Variants in NAV2 observed in about 807,000 individuals in gnomAD.
NAV2 encodes the protein neuron navigator 2, also known as helicase, APC down-regulated 1.
A neutral mutation model predicts 223.2 loss-of-function variants in NAV2; 54 were observed. The ratio of observed to expected loss-of-function variants is 0.24; its 90% CI spans 0.19 to 0.30. The LOEUF (loss-of-function observed/expected upper bound fraction) is 0.30. Among genes scored for constraint, NAV2 ranks in the 10% least tolerant of loss-of-function variants. The pLI is 1.00. For synonymous variants in NAV2, 1,279 were observed against 1,239.3 expected, an observed-to-expected ratio of 1.03 and a Z score of -0.67; for missense variants, 2,806 against 3,147.5, an observed-to-expected ratio of 0.89 and a Z score of 2.60.
chr11:20,082,356 C>T (rs188958347), intron 25 of NAV2, among the ~76,000 whole-genome samples: 1 of 152,304 alleles, frequency 6.6e-6, no homozygotes, highest in East Asian at 1.9e-4. Flanking sequence ...GCTGGAAGAA[C>T]TGGAATTGTA....
chr11:19,965,405 C>T (rs949610967), intron 10 of NAV2, among the ~76,000 whole-genome samples: 6 of 152,036 alleles, frequency 3.9e-5, no homozygotes, highest in African/African-American at 1.4e-4. Flanking sequence ...TTTTCCCACA[C>T]CCAGAACCCA....
intron 1 of NAV2, among the ~76,000 whole-genome samples, chr11:19,558,364 C>G (rs2044975959): frequency 6.6e-6 from 1 of 152,202 alleles, no homozygotes; most frequent in African/African-American, 2.4e-5. Context: ...CATGGCACCT[C>G]AGCTAAAGGC....
At chr11:19,945,093 C>A (rs955205819) in intron 8 of NAV2, among the ~76,000 whole-genome samples, 1 of 124,390 alleles carries the variant, frequency 8.0e-6, no homozygotes, top group African/African-American at 2.8e-5. Context: ...CTCTTTTCTT[C>A]TCTTCTCTTC....
chr11:19,812,273 T>C (rs1056892335), intron 1 of NAV2, among the ~76,000 whole-genome samples: 1 of 152,162 alleles, frequency 6.6e-6, no homozygotes, highest in Admixed American at 6.5e-5. Flanking sequence ...TTTGCATGGT[T>C]GCTCTCTTCT....
intron 1 of NAV2, among the ~76,000 whole-genome samples, chr11:19,527,033 C>A (rs1459875903): frequency 6.6e-6 from 1 of 152,052 alleles, no homozygotes; most frequent in African/African-American, 2.4e-5. Context: ...CTTTCTCCAA[C>A]CCTCCCACCC....
At chr11:19,813,905 A>G (rs1371159682) in intron 1 of NAV2, among the ~76,000 whole-genome samples, 1 of 152,104 alleles carries the variant, frequency 6.6e-6, no homozygotes, top group African/African-American at 2.4e-5. Context: ...GAGACAATGA[A>G]GTTTATTTGA....
At chr11:19,481,944 C>G (rs1393281839) in intron 1 of NAV2, among the ~76,000 whole-genome samples, 1 of 152,214 alleles carries the variant, frequency 6.6e-6, no homozygotes, top group Non-Finnish European at 1.5e-5. Flanking sequence ...GACTTTCATA[C>G]TGTCATCCAC....
intron 1 of NAV2, among the ~76,000 whole-genome samples, chr11:19,718,861 A>G (rs910479244): frequency 6.6e-6 from 1 of 152,174 alleles, no homozygotes; most frequent in Non-Finnish European, 1.5e-5. Flanking sequence ...CACACAGATA[A>G]CACAAATATA....
chr11:19,464,390 A>G (rs1301193917), intron 1 of NAV2, among the ~76,000 whole-genome samples: 2 of 107,804 alleles, frequency 1.9e-5, no homozygotes, highest in African/African-American at 2.7e-5. Context: ...TTTCAGGAAT[A>G]TGAAAGAAGT....
intron 1 of NAV2, among the ~76,000 whole-genome samples, chr11:19,508,305 C>T (rs929793605): frequency 6.6e-6 from 1 of 152,104 alleles, no homozygotes; most frequent in East Asian, 1.9e-4. Flanking sequence ...CATTGACTAT[C>T]CACTCTAATG....
chr11:19,751,476 A>G (rs567573582), intron 1 of NAV2, among the ~76,000 whole-genome samples: 3 of 152,164 alleles, frequency 2.0e-5, no homozygotes, highest in South Asian at 4.2e-4. Context: ...GTTTTCCCAG[A>G]TCTCACTCCA....
At chr11:19,635,523 A>G (rs572917401) in intron 1 of NAV2, among the ~76,000 whole-genome samples, 2 of 152,318 alleles carry the variant, frequency 1.3e-5, no homozygotes, top group East Asian at 3.9e-4. Context: ...TGGAAAGTCC[A>G]AGATTGGGCA....
intron 11 of NAV2, among the ~76,000 whole-genome samples, chr11:20,006,978 C>T (rs1312127662): frequency 6.6e-6 from 1 of 151,294 alleles, no homozygotes; most frequent in Non-Finnish European, 1.5e-5. Context: ...TCTTTGGAGA[C>T]AGTGTCTCAC....
At chr11:19,994,306 G>A (rs1353715026) in intron 11 of NAV2, among the ~76,000 whole-genome samples, 2 of 152,132 alleles carry the variant, frequency 1.3e-5, no homozygotes, top group East Asian at 3.9e-4. Flanking sequence ...CAGCACTTTG[G>A]GAGGCTGAGG....
intron 1 of NAV2, among the ~76,000 whole-genome samples, chr11:19,733,871 A>G (rs963008507): frequency 6.6e-6 from 1 of 152,146 alleles, no homozygotes; most frequent in Non-Finnish European, 1.5e-5. Context: ...TGATAGTGAT[A>G]GTGATGGTGA....
In NAV2 at chr11:19,998,965, G is replaced by A. The variant is rs1472558368; in HGVS notation, c.2768+14718G>A. On this transcript the variant is annotated intron_variant, in intron 11 of 37. Transcript: ENST00000349880. The surrounding 1 kb of genome is among the most constrained non-coding windows in gnomAD (Gnocchi z 5.0). ...AACCAGGTCAGCTCCGTTTGCAGGT[G>A]AATCCCCTCTCCCAGCACAGGGCCC... is the stretch of plus-strand genomic sequence containing the variant. Among the ~76,000 whole-genome samples, 1 of 152,232 alleles carries A rather than the reference G, an allele frequency of 6.6e-6. No homozygotes were observed. The highest frequency in any genetic ancestry group is 1.9e-4 in the East Asian group (1 of 5,204).
chr11:19,581,211 A>G (rs1156481130), intron 1 of NAV2, among the ~76,000 whole-genome samples: 3 of 151,934 alleles, frequency 2.0e-5, no homozygotes, highest in Non-Finnish European at 2.9e-5. Flanking sequence ...CCTGCATGTG[A>G]CTTGGTTTTT....
At chr11:19,559,604 G>GT (rs1314276156) in intron 1 of NAV2, among the ~76,000 whole-genome samples, 1 of 152,164 alleles carries the variant, frequency 6.6e-6, no homozygotes, top group East Asian at 1.9e-4. Context: ...TTGGCACTAG[G>GT]GTGGCTGAGG....
At chr11:20,046,603 C>CACACACACACAG (rs757392184) in intron 14 of NAV2, among the ~76,000 whole-genome samples, 6 of 148,816 alleles carry the variant, frequency 4.0e-5, no homozygotes, top group Non-Finnish European at 3.0e-5. Flanking sequence ...CCATCACACA[C>CACACACACACAG]ACACACACAC....
Sources: gnomAD v4.1 joint callset for allele counts (sites outside exome capture counted in the v4.1 genomes callset) on GRCh38, gnomAD v4.1.1 for gene constraint, Gnocchi (gnomAD v3.1) non-coding constraint, MANE v1.5 for transcripts, NCBI Gene and HGNC (gene_info 2026-07-23, HGNC 2026-07-21) for gene names.